The following RSPH1 variants were observed in gnomAD, a reference collection of about 807,000 sequenced individuals.
RSPH1 encodes radial spoke head 1 homolog.
Under a neutral mutation model 44.2 loss-of-function variants are expected in RSPH1, and 32 were observed. The observed-to-expected ratio is 0.72, with a 90% CI of 0.55 to 0.97. The LOEUF is 0.97. Among genes scored for constraint, RSPH1 ranks in the 50% least tolerant of loss-of-function variants. The pLI is 0.00. For missense variants in RSPH1, 391 were observed against 398.7 expected (o/e 0.98, Z 0.16); for synonymous variants, 134 against 147.3 (o/e 0.91, Z 0.65).
At chr21:42,482,837 T>G in intron 5 of RSPH1, 129 bp from the exon 6 acceptor site, 1 of 610,416 alleles carries the variant, frequency 1.6e-6, no homozygotes, top group East Asian at 2.9e-5. Context: ...TAAGGAATGC[T>G]TTTGTGAACT....
intron 3 of RSPH1, 123 bp downstream of exon 3, chr21:42,492,635 C>T (rs1032582596): frequency 1.1e-5 from 7 of 645,050 alleles, no homozygotes; most frequent in Admixed American, 2.7e-5. Flanking sequence ...GATCTGTGTT[C>T]GTTGAATGAG....
rs2054250834 is a variant in RSPH1 at position 42,492,971 on chromosome 21, C to T, written c.163G>A (p.Gly55Ser). Residue 55 changes from glycine (G) to serine (S), a missense_variant, in exon 2 of 9, where the codon GGC becomes AGC. Transcript: ENST00000291536. ...EGSYEFGKRH[G>S]QGIYKFKNGA... ...GTCAAGTCAACGGTTCTGACCTGGC[C>T]ATGTCTTTTACCGAATTCGTAGCTC... is the stretch of plus-strand genomic sequence containing the variant. 1.2e-6 allele frequency: 2 copies of T among 1,613,956 alleles called. No individual in the cohort carries two copies. Among genetic ancestry groups the T allele is most frequent in the African/African-American group, 1.3e-5 (1 of 75,024 alleles).
chr21:42,475,825 G>A (rs1410163988), intron 8 of RSPH1, 73 bp downstream of exon 8: 68 of 1,544,024 alleles, frequency 4.4e-5, no homozygotes, highest in Middle Eastern at 3.4e-4. Flanking sequence ...CCTTGGTGAA[G>A]GGAAGGGGAA....
At position 42,482,497 on chromosome 21, in the gene RSPH1, G is replaced by A. The variant is rs1433214584; in HGVS notation, c.573+140C>T. 5.0e-5 allele frequency: 31 copies of A among 617,886 alleles called. No homozygotes were observed. In the East Asian group the frequency reaches 6.7e-4, roughly 13 times the overall value. The allele number at this position is 617,886 out of a possible 1,614,324, so 38.3% of individuals were successfully genotyped here. The stretch of plus-strand genomic sequence containing the variant: ...ATTTAGTTCTGTACTAACACATGCA[G>A]ATAAGGAAAATGAAAATGTGAAAGT... On this transcript the variant is annotated intron_variant, in intron 6 of 8. Coordinates refer to ENST00000291536, the MANE Select transcript of RSPH1 (RefSeq NM_080860.4).
chr21:42,474,160 C>T lies in RSPH1; in HGVS notation c.878-1290G>A, dbSNP rs114955543. ...GCTCAGAGAGCAAGCCTGATACAGG[C>T]AATCCCCACAGCTCCCAGAGGTCCC... is the stretch of plus-strand genomic sequence containing the variant. On this transcript the variant is annotated intron_variant, in intron 8 of 8. Coordinates refer to ENST00000291536, the MANE Select transcript of RSPH1 (RefSeq NM_080860.4). This position sits in a 1 kb window ranked among gnomAD's most constrained non-coding sequence, Gnocchi z 5.2. Among the ~76,000 whole-genome samples the T allele has an allele frequency of 5.9e-3, 902 of 152,326 alleles. 8 individuals are homozygous for T. Among genetic ancestry groups the T allele is most frequent in the African/African-American group, 0.02 (830 of 41,572 alleles).
chr21:42,481,340 A>G (rs2054126183), intron 6 of RSPH1, among the ~76,000 whole-genome samples: 1 of 152,100 alleles, frequency 6.6e-6, no homozygotes, highest in East Asian at 1.9e-4. Flanking sequence ...TGCGGGTGCC[A>G]TGCTTCTTGT....
Position 42,474,467 on chromosome 21 carries a change from G to A in RSPH1, c.877+1431C>T, listed in dbSNP as rs1313303963. Among the ~76,000 whole-genome samples, 7 of 152,172 alleles carry A rather than the reference G, an allele frequency of 4.6e-5. No homozygotes were observed. The highest frequency in any genetic ancestry group is 8.8e-5 in the Non-Finnish European group (6 of 68,034). ...AGCTTCCCATTAGGTGCTAGAGGGC[G>A]AGAGCCCAGCCCCTCACTCCCACAC... is the stretch of plus-strand genomic sequence containing the variant. On this transcript the variant is annotated intron_variant, in intron 8 of 8. Coordinates refer to ENST00000291536, the MANE Select transcript of RSPH1 (RefSeq NM_080860.4). The surrounding 1 kb of genome is among the most constrained non-coding windows in gnomAD (Gnocchi z 5.2).
rs1469925320 is a variant in RSPH1 at position 42,474,241 on chromosome 21, C to T, written c.878-1371G>A. Among the ~76,000 whole-genome samples, 5 of 152,122 alleles carry T rather than the reference C, an allele frequency of 3.3e-5. No homozygotes were observed. The highest frequency in any genetic ancestry group is 7.4e-5 in the Non-Finnish European group (5 of 68,010). ...CCATCTGGTTCCAAGGGAAAGGGGC[C>T]ACCTCCCCACCCCCACACTCTTCTG... On this transcript the variant is annotated intron_variant, in intron 8 of 8. Coordinates refer to ENST00000291536, the MANE Select transcript of RSPH1 (RefSeq NM_080860.4). The surrounding 1 kb of genome is among the most constrained non-coding windows in gnomAD (Gnocchi z 5.2).
chr21:42,487,067 C>T (rs772584337), intron 3 of RSPH1, among the ~76,000 whole-genome samples: 16 of 152,186 alleles, frequency 1.1e-4, no homozygotes, highest in Non-Finnish European at 2.4e-4. Flanking sequence ...CAGCTCCATC[C>T]GCTGGTGCCA....
In RSPH1 at chr21:42,492,690, G is replaced by C. The variant is rs958189319; in HGVS notation, c.274+68C>G. 3.2e-5 allele frequency: 28 copies of C among 882,770 alleles called. No individual in the cohort carries two copies. The African/African-American group carries it at 4.3e-4, about 14-fold the overall frequency. The allele number at this position is 882,770 out of a possible 1,614,324, so 54.7% of individuals were successfully genotyped here. Reference sequence around the variant, plus strand: ...TTTCTCATACATGTCAGTATTCACAGACAAGTTCAGTCATAAAGAAAGAAA... The same window carrying C: ...TTTCTCATACATGTCAGTATTCACACACAAGTTCAGTCATAAAGAAAGAAA... On this transcript the variant is annotated intron_variant, in intron 3 of 8. Coordinates refer to ENST00000291536, the MANE Select transcript of RSPH1 (RefSeq NM_080860.4).
In RSPH1 at chr21:42,492,963, G is replaced by A. The variant is rs1344437715; in HGVS notation, c.168+3C>T. On this transcript the variant is annotated splice_donor_region_variant and intron_variant, in intron 2 of 8. Transcript: ENST00000291536. ...ACCATCCAGTCAAGTCAACGGTTCT[G>A]ACCTGGCCATGTCTTTTACCGAATT... 1 of 1,613,334 alleles carries A rather than the reference G, an allele frequency of 6.2e-7. No homozygotes were observed. Among genetic ancestry groups the A allele is most frequent in the South Asian group, 1.1e-5 (1 of 91,038 alleles).
chr21:42,485,405 A>G, intron 5 of RSPH1: 4 of 504,742 alleles, frequency 7.9e-6, no homozygotes, highest in African/African-American at 1.9e-5. Flanking sequence ...GTGTTATATA[A>G]CAATGCAACA....
At chr21:42,475,239 A>G (rs1601622626) in intron 8 of RSPH1, among the ~76,000 whole-genome samples, 1 of 152,238 alleles carries the variant, frequency 6.6e-6, no homozygotes, top group East Asian at 1.9e-4. Flanking sequence ...AACCCATTGA[A>G]AAAGAGCTAG....
chr21:42,480,588 C>G (rs1417341134), intron 6 of RSPH1, among the ~76,000 whole-genome samples: 1 of 130,358 alleles, frequency 7.7e-6, no homozygotes, highest in Non-Finnish European at 1.5e-5. Flanking sequence ...TGCGTTGAGC[C>G]GAGATCACGC....
chr21:42,482,613 A>T, intron 6 of RSPH1, 24 bp downstream of exon 6: 1 of 1,573,944 alleles, frequency 6.4e-7, no homozygotes, highest in East Asian at 2.2e-5. Flanking sequence ...AATGTAACAA[A>T]ACCCTACATG....
chr21:42,474,189 T>G lies in RSPH1; in HGVS notation c.878-1319A>C, dbSNP rs1426358572. On this transcript the variant is annotated intron_variant, in intron 8 of 8. Transcript: ENST00000291536. This position sits in a 1 kb window ranked among gnomAD's most constrained non-coding sequence, Gnocchi z 5.2. ...CCCCACAGCTCCCAGAGGTCCCGCC[T>G]ACTGGGCTCAGGATCAAGTTCAAAG... is the stretch of plus-strand genomic sequence containing the variant. Among the ~76,000 whole-genome samples the G allele has an allele frequency of 1.3e-5, 2 of 152,200 alleles. No individual in the cohort carries two copies. Among genetic ancestry groups the G allele is most frequent in the East Asian group, 3.8e-4 (2 of 5,196 alleles).
At chr21:42,491,112 C>T (rs1409095363) in intron 3 of RSPH1, among the ~76,000 whole-genome samples, 4 of 152,114 alleles carry the variant, frequency 2.6e-5, no homozygotes, top group Non-Finnish European at 5.9e-5. Flanking sequence ...TTCCTGAGTC[C>T]TATGAGCCGC....
intron 7 of RSPH1, among the ~76,000 whole-genome samples, chr21:42,476,428 C>T (rs2054051871): frequency 6.6e-6 from 1 of 152,164 alleles, no homozygotes; most frequent in Admixed American, 6.5e-5. Flanking sequence ...CCGGAGCTTC[C>T]CAGTCACATG....
At chr21:42,481,007 G>T (rs2054122731) in intron 6 of RSPH1, among the ~76,000 whole-genome samples, 1 of 152,148 alleles carries the variant, frequency 6.6e-6, no homozygotes, top group South Asian at 2.1e-4. Context: ...GAGGTGACTT[G>T]GCTCAGGTTG....
Sources: allele counts gnomAD v4.1 joint callset (sites outside exome capture counted in the v4.1 genomes callset), GRCh38; gene constraint gnomAD v4.1.1; non-coding constraint Gnocchi (gnomAD v3.1); transcripts MANE v1.5; gene names NCBI Gene and HGNC (gene_info 2026-07-23, HGNC 2026-07-21).